The following FLT3 variants were observed in gnomAD, a reference collection of about 807,000 sequenced individuals.
FLT3 encodes receptor-type tyrosine-protein kinase FLT3.
Under a neutral mutation model 126.6 loss-of-function variants are expected in FLT3, and 46 were observed. The observed-to-expected ratio is 0.36, with a 90% CI of 0.29 to 0.46. FLT3 has a LOEUF of 0.46. FLT3 is among the 20% of genes least tolerant of loss of function. The pLI is 1.00. For missense variants in FLT3, 1,069 were observed against 1,190.3 expected (o/e 0.90, Z 1.50); for synonymous variants, 404 against 434.4 (o/e 0.93, Z 0.87).
chr13:28,028,733 C>T (rs889114431), intron 15 of FLT3, among the ~76,000 whole-genome samples: 1 of 150,402 alleles, frequency 6.6e-6, no homozygotes, highest in East Asian at 1.9e-4. Context: ...AAACAATATC[C>T]TGTGTTTTAA....
At chr13:28,059,712 A>C (rs1013556806) in intron 3 of FLT3, among the ~76,000 whole-genome samples, 10 of 152,210 alleles carry the variant, frequency 6.6e-5, no homozygotes, top group African/African-American at 1.9e-4. Flanking sequence ...CTGTAATCCC[A>C]GCACTTTGGG....
chr13:28,070,609 A>T lies in FLT3; in HGVS notation c.47T>A (p.Val16Asp). The T allele has an allele frequency of 6.3e-7, 1 of 1,597,122 alleles. No homozygotes were observed. The highest frequency in any genetic ancestry group is 8.6e-7 in the Non-Finnish European group (1 of 1,167,352). ...AGTCCCAAATATCATTGCAGAAAAA[A>T]CAACTGTAAAACAAAATAAAAATGA... is the stretch of plus-strand genomic sequence containing the variant. ...RDGGQLPLLV[V>D]FSAMIFGTIT... The change falls in exon 2 of 24, where the codon GTT (valine) becomes GAT (aspartate). Residue 16 changes from valine to aspartate, a missense_variant. Physicochemically the swap from Val to Asp is radical, Grantham distance 152. Coordinates refer to ENST00000241453, the MANE Select transcript of FLT3 (RefSeq NM_004119.3).
chr13:28,040,199 G>A (rs937953756), intron 9 of FLT3, among the ~76,000 whole-genome samples: 8 of 152,212 alleles, frequency 5.3e-5, no homozygotes, highest in African/African-American at 1.4e-4. Flanking sequence ...ATTTGGTGGT[G>A]AAGGTAGAGG....
chr13:28,063,924 C>T (rs1380930422), intron 2 of FLT3, among the ~76,000 whole-genome samples: 1 of 152,118 alleles, frequency 6.6e-6, no homozygotes, highest in African/African-American at 2.4e-5. Context: ...AAGTTTTTCA[C>T]CCAAGTCCAG....
At chr13:28,057,628 G>A (rs550907405) in intron 3 of FLT3, among the ~76,000 whole-genome samples, 166 bp from the exon 4 acceptor site, 2 of 152,328 alleles carry the variant, frequency 1.3e-5, no homozygotes, top group African/African-American at 2.4e-5. Flanking sequence ...ACTCAGCCTG[G>A]GCGTTGCTCG....
At chr13:28,014,612 G>A in intron 22 of FLT3, 55 bp from the exon 23 acceptor site, 1 of 1,215,716 alleles carries the variant, frequency 8.2e-7, no homozygotes. Context: ...GAAGCAAAAT[G>A]GATCATTTTC....
At chr13:28,047,899 G>A (rs1221033074) in intron 9 of FLT3, among the ~76,000 whole-genome samples, 1 of 151,954 alleles carries the variant, frequency 6.6e-6, no homozygotes, top group Non-Finnish European at 1.5e-5. Flanking sequence ...ATGTTTTTCT[G>A]TTTTTAAGGA....
At chr13:28,081,490 C>T (rs985340710) in intron 1 of FLT3, among the ~76,000 whole-genome samples, 13 of 152,176 alleles carry the variant, frequency 8.5e-5, no homozygotes, top group African/African-American at 2.9e-4. Context: ...TTATTAGTTA[C>T]AGTCACTTTT....
At chr13:28,052,833 A>G (rs979179994) in intron 4 of FLT3, among the ~76,000 whole-genome samples, 159 bp from the exon 5 acceptor site, 1 of 152,138 alleles carries the variant, frequency 6.6e-6, no homozygotes, top group South Asian at 2.1e-4. Flanking sequence ...CAAACCAACC[A>G]TTATATTAAA....
intron 23 of FLT3, among the ~76,000 whole-genome samples, chr13:28,007,619 A>G (rs1393282180): frequency 2.0e-5 from 3 of 152,206 alleles, no homozygotes; most frequent in Non-Finnish European, 2.9e-5. Context: ...TTGATATACA[A>G]TATTAATATA....
intron 3 of FLT3, among the ~76,000 whole-genome samples, chr13:28,059,713 G>T (rs912608494): frequency 1.3e-5 from 2 of 152,096 alleles, no homozygotes; most frequent in Non-Finnish European, 2.9e-5. Context: ...TGTAATCCCA[G>T]CACTTTGGGA....
At chr13:28,089,800 T>C (rs566645213) in intron 1 of FLT3, among the ~76,000 whole-genome samples, 3 of 151,370 alleles carry the variant, frequency 2.0e-5, no homozygotes, top group South Asian at 4.2e-4. Flanking sequence ...AGTGGAGTGA[T>C]CTTGGCTCAC....
intron 22 of FLT3, 98 bp from the exon 23 acceptor site, chr13:28,014,655 CT>C (rs1313561140): frequency 4.7e-5 from 37 of 795,688 alleles, no homozygotes; most frequent in Admixed American, 7.1e-5. Context: ...TCCTCTGGAG[CT>C]GCTTATTTAC....
At chr13:28,082,438 C>T (rs914291045) in intron 1 of FLT3, among the ~76,000 whole-genome samples, 6 of 152,098 alleles carry the variant, frequency 3.9e-5, no homozygotes, top group African/African-American at 1.2e-4. Context: ...ACTGGGATTA[C>T]AGGCATGAGC....
In FLT3 at chr13:28,036,013, G is replaced by A; in HGVS notation, c.1340C>T (p.Ala447Val). 1 of 1,614,092 alleles carries A rather than the reference G, an allele frequency of 6.2e-7. No homozygotes were observed. The part of the protein sequence containing the change: ...RKPQVLAEAS[A>V]SQASCFSDGY... Reference sequence around the variant, plus strand: ...ATCCGAGAAACAGGACGCCTGACTTGCCGATGCTTCTGCGAGCACTTGAGG... The same window carrying A: ...ATCCGAGAAACAGGACGCCTGACTTACCGATGCTTCTGCGAGCACTTGAGG... Residue 447 changes from alanine (A) to valine (V), a missense_variant, in exon 11 of 24, where the codon GCA becomes GTA. Physicochemically the swap from Ala to Val is moderately conservative, Grantham distance 64. Coordinates refer to ENST00000241453, the MANE Select transcript of FLT3 (RefSeq NM_004119.3).
At chr13:28,075,446 C>T (rs1198488270) in intron 1 of FLT3, among the ~76,000 whole-genome samples, 1 of 151,970 alleles carries the variant, frequency 6.6e-6, no homozygotes, top group African/African-American at 2.4e-5. Context: ...ATCACAAGGC[C>T]GGGCATGGTG....
Position 28,100,370 on chromosome 13 carries a change from G to A in FLT3, c.43+98C>T, listed in dbSNP as rs916471264. On this transcript the variant is annotated intron_variant, in intron 1 of 23. Coordinates refer to ENST00000241453, the MANE Select transcript of FLT3 (RefSeq NM_004119.3). The surrounding 1 kb of genome is among the most constrained non-coding windows in gnomAD (Gnocchi z 4.8). ...GGAAGGAGCGAGCGCGGGGAGGAGC[G>A]AGGCGGCTGGGCCGGAGGAGGCGCG... is the stretch of plus-strand genomic sequence containing the variant. The A allele has an allele frequency of 3.6e-6, 3 of 843,234 alleles. No individual in the cohort carries two copies. The highest frequency in any genetic ancestry group is 5.9e-5 in the South Asian group (1 of 16,842). 52.2% of individuals were successfully genotyped at this position (843,234 alleles called of 1,614,324 possible).
intron 5 of FLT3, among the ~76,000 whole-genome samples, chr13:28,052,090 T>A (rs117673365): frequency 0.065 from 9,869 of 151,702 alleles, 466 homozygotes; most frequent in Middle Eastern, 0.11. Context: ...TTTATTTTTT[T>A]AATTTTATTT....
chr13:28,024,575 T>C (rs191271984), intron 18 of FLT3, among the ~76,000 whole-genome samples: 4 of 152,372 alleles, frequency 2.6e-5, no homozygotes, highest in Non-Finnish European at 4.4e-5. Context: ...ATCCAAATTC[T>C]ATGTAACTTC....
Sources: gnomAD v4.1 joint callset for allele counts (sites outside exome capture counted in the v4.1 genomes callset) on GRCh38, gnomAD v4.1.1 for gene constraint, Gnocchi (gnomAD v3.1) non-coding constraint, MANE v1.5 for transcripts, NCBI Gene and HGNC (gene_info 2026-07-23, HGNC 2026-07-21) for gene names.